The following PTPRO variants were observed in gnomAD, a reference collection of about 807,000 sequenced individuals.
The protein encoded by PTPRO is protein tyrosine phosphatase receptor type O.
A neutral mutation model predicts 145.2 loss-of-function variants in PTPRO; 62 were observed. That is an observed-to-expected ratio of 0.43 (90% CI 0.35 to 0.53). The LOEUF (loss-of-function observed/expected upper bound fraction) is 0.53. Among genes scored for constraint, PTPRO ranks in the 20% least tolerant of loss-of-function variants. The pLI is 0.01. For missense variants in PTPRO, 1,345 were observed against 1,482.7 expected (o/e 0.91, Z 1.53); for synonymous variants, 565 against 514.7 (o/e 1.10, Z -1.32).
intron 1 of PTPRO, among the ~76,000 whole-genome samples, chr12:15,382,036 G>T (rs1275004160): frequency 6.6e-6 from 1 of 151,502 alleles, no homozygotes; most frequent in African/African-American, 2.4e-5. Context: ...TCTTCATTCT[G>T]AGCCCAGATT....
intron 1 of PTPRO, among the ~76,000 whole-genome samples, chr12:15,433,227 T>A (rs1202251154): frequency 4.1e-5 from 6 of 144,734 alleles, no homozygotes; most frequent in Non-Finnish European, 6.0e-5. Flanking sequence ...CAGGCTGGAG[T>A]GCAGTGGTGC....
chr12:15,454,191 C>A (rs565837356), intron 1 of PTPRO, among the ~76,000 whole-genome samples: 3 of 152,290 alleles, frequency 2.0e-5, no homozygotes, highest in South Asian at 4.1e-4. Context: ...TCATTCCCAA[C>A]AACAGGGTAA....
chr12:15,382,131 A>G (rs1364580606), intron 1 of PTPRO, among the ~76,000 whole-genome samples: 3 of 149,926 alleles, frequency 2.0e-5, no homozygotes. Context: ...GAGGAAGGAA[A>G]AAGAGAGATG....
chr12:15,536,629 G>T (rs10444437), intron 12 of PTPRO, among the ~76,000 whole-genome samples: 22,335 of 152,156 alleles, frequency 0.15, 1,633 homozygotes, highest in South Asian at 0.19. Context: ...AACCTAACGG[G>T]TTTCACTGGG....
intron 1 of PTPRO, among the ~76,000 whole-genome samples, chr12:15,421,877 C>T (rs1940156722): frequency 6.6e-6 from 1 of 152,142 alleles, no homozygotes; most frequent in South Asian, 2.1e-4. Context: ...TGCTTCAGTT[C>T]TTCATTTTTA....
intron 1 of PTPRO, among the ~76,000 whole-genome samples, chr12:15,336,365 A>G (rs149290146): frequency 1.3e-5 from 2 of 152,316 alleles, no homozygotes; most frequent in East Asian, 3.9e-4. Flanking sequence ...GTCAAGGTCA[A>G]TTGCATGCAA....
intron 1 of PTPRO, among the ~76,000 whole-genome samples, chr12:15,396,468 G>A (rs1939342568): frequency 6.6e-6 from 1 of 151,682 alleles, no homozygotes. Context: ...TGGAGTTATT[G>A]AAAAAAAATT....
At chr12:15,452,510 C>T (rs1308257344) in intron 1 of PTPRO, among the ~76,000 whole-genome samples, 1 of 152,132 alleles carries the variant, frequency 6.6e-6, no homozygotes, top group African/African-American at 2.4e-5. Context: ...CAGCATCACC[C>T]TAATACCAAA....
intron 1 of PTPRO, among the ~76,000 whole-genome samples, chr12:15,329,273 T>C (rs565237268): frequency 6.6e-6 from 1 of 152,338 alleles, no homozygotes; most frequent in African/African-American, 2.4e-5. Flanking sequence ...GATTCTCTCT[T>C]GGTTCCACGC....
At chr12:15,539,865 A>G (rs891333202) in intron 12 of PTPRO, among the ~76,000 whole-genome samples, 3 of 149,996 alleles carry the variant, frequency 2.0e-5, no homozygotes, top group African/African-American at 7.3e-5. Flanking sequence ...TTTTATATAT[A>G]GGAAAAAGGC....
intron 12 of PTPRO, among the ~76,000 whole-genome samples, chr12:15,537,166 T>A (rs1421894381): frequency 6.6e-6 from 1 of 152,108 alleles, no homozygotes; most frequent in Non-Finnish European, 1.5e-5. Context: ...ATTTTGAAGG[T>A]TCCTATGAAA....
intron 12 of PTPRO, among the ~76,000 whole-genome samples, chr12:15,544,901 C>T (rs1943251175): frequency 1.3e-5 from 2 of 152,186 alleles, no homozygotes; most frequent in South Asian, 4.1e-4. Flanking sequence ...GCTCCTGACA[C>T]CTATTGTGAA....
At chr12:15,361,385 G>T (rs1938203285) in intron 1 of PTPRO, among the ~76,000 whole-genome samples, 1 of 146,534 alleles carries the variant, frequency 6.8e-6, no homozygotes, top group Non-Finnish European at 1.5e-5. Flanking sequence ...GTTGCAGTGA[G>T]CCGAGATTTC....
rs1313693233 is a variant in PTPRO, at chr12:15,513,207, A to AAG, written c.1465-2289_1465-2288dup. Reference sequence around the variant, plus strand: ...AAAGAAAGAAAGAAAGAAAGAAAGAAAGAAAGAAAGAAAGAAAGAAAAGAA... The same window carrying AAG: ...AAAGAAAGAAAGAAAGAAAGAAAGAAAGAGAAAGAAAGAAAGAAAGAAAAGAA... On this transcript the variant is annotated intron_variant, in intron 7 of 26. Coordinates refer to ENST00000281171, the MANE Select transcript of PTPRO (RefSeq NM_030667.3). Among the ~76,000 whole-genome samples the AAG allele has an allele frequency of 2.1e-3, 242 of 113,166 alleles. 25 individuals carry two copies. The highest frequency in any genetic ancestry group is 0.01 in the African/African-American group (227 of 22,180). 74.2% of individuals were successfully genotyped at this position (113,166 alleles called of 152,430 possible). A position where few individuals can be genotyped will look rare whatever the true frequency, so the allele number is the denominator to read the frequency against.
At position 15,533,707 on chromosome 12, in the gene PTPRO, C is replaced by T. The variant is rs553863473; in HGVS notation, c.2164+7445C>T. 6.6e-5 allele frequency among the ~76,000 whole-genome samples: 10 copies of T among 152,166 alleles called. No homozygotes were observed. In the South Asian group the frequency reaches 1.9e-3, roughly 28 times the overall value. On this transcript the variant is annotated intron_variant, in intron 12 of 26. Coordinates refer to ENST00000281171, the MANE Select transcript of PTPRO (RefSeq NM_030667.3). ...ATTCTAGTTGTTTTATGTTTCTTCC[C>T]AGCATTCATTTTGATATATATAGAA... is the stretch of plus-strand genomic sequence containing the variant.
chr12:15,567,503 C>CCT (rs886228059), intron 18 of PTPRO, among the ~76,000 whole-genome samples: 3 of 151,872 alleles, frequency 2.0e-5, no homozygotes, highest in Non-Finnish European at 4.4e-5. Context: ...GCTATTCCTT[C>CCT]CTCTCTCTCT....
chr12:15,539,449 C>T (rs1473649069), intron 12 of PTPRO, among the ~76,000 whole-genome samples: 1 of 151,992 alleles, frequency 6.6e-6, no homozygotes, highest in East Asian at 1.9e-4. Context: ...ATTATACTTG[C>T]TATCTCTAAG....
intron 10 of PTPRO, among the ~76,000 whole-genome samples, chr12:15,522,429 C>T (rs1037922376): frequency 2.0e-5 from 3 of 151,730 alleles, no homozygotes; most frequent in South Asian, 2.1e-4. Context: ...CCCCACCCCC[C>T]GACAGTTCTC....
chr12:15,371,315 C>A (rs1268347052), intron 1 of PTPRO, among the ~76,000 whole-genome samples: 3 of 151,888 alleles, frequency 2.0e-5, no homozygotes, highest in Admixed American at 6.6e-5. Flanking sequence ...TCATTGCAAC[C>A]TCTGCTTCCT....
Sources: allele counts gnomAD v4.1 joint callset (sites outside exome capture counted in the v4.1 genomes callset), GRCh38; gene constraint gnomAD v4.1.1; transcripts MANE v1.5; gene names NCBI Gene and HGNC (gene_info 2026-07-23, HGNC 2026-07-21).